The following ATF7IP2 variants were observed in gnomAD, a reference collection of about 807,000 sequenced individuals.
ATF7IP2 encodes activating transcription factor 7-interacting protein 2.
A neutral mutation model predicts 64.2 loss-of-function variants in ATF7IP2; 42 were observed. The observed-to-expected ratio is 0.65, with a 90% CI of 0.51 to 0.85. ATF7IP2 has a LOEUF of 0.85. Among genes scored for constraint, ATF7IP2 ranks in the 40% least tolerant of loss-of-function variants. ATF7IP2 has a pLI of 0.00. For synonymous variants in ATF7IP2, 308 were observed against 272.8 expected (o/e 1.13, Z -1.27); for missense variants, 933 against 784.2 (o/e 1.19, Z -2.27).
intron 1 of ATF7IP2, among the ~76,000 whole-genome samples, chr16:10,408,688 T>TG (rs1320572999): frequency 6.6e-6 from 1 of 152,100 alleles, no homozygotes; most frequent in Admixed American, 6.6e-5. Context: ...TGGGATTATT[T>TG]GTTTTTTTTC....
chr16:10,392,561 A>G (rs756684666), intron 1 of ATF7IP2, among the ~76,000 whole-genome samples: 1 of 152,154 alleles, frequency 6.6e-6, no homozygotes, highest in Non-Finnish European at 1.5e-5. Flanking sequence ...AAATAACACC[A>G]TTCACACAGA....
intron 9 of ATF7IP2, among the ~76,000 whole-genome samples, chr16:10,458,876 C>T (rs965290858): frequency 8.5e-5 from 13 of 152,184 alleles, no homozygotes; most frequent in Non-Finnish European, 1.3e-4. Flanking sequence ...AGGGAACCTT[C>T]GTTTAACAAT....
intron 1 of ATF7IP2, among the ~76,000 whole-genome samples, chr16:10,388,658 G>A (rs1401143587): frequency 6.6e-6 from 1 of 152,100 alleles, no homozygotes; most frequent in Non-Finnish European, 1.5e-5. Flanking sequence ...TTTTTTAAGT[G>A]AATATTCATT....
chr16:10,423,780 G>A (rs1286220695), intron 3 of ATF7IP2, among the ~76,000 whole-genome samples: 3 of 152,100 alleles, frequency 2.0e-5, no homozygotes, highest in African/African-American at 7.2e-5. Context: ...GTGTGAAAAG[G>A]TTCCAAGGTG....
chr16:10,459,372 G>A (rs1233384677), intron 9 of ATF7IP2, among the ~76,000 whole-genome samples: 2 of 152,006 alleles, frequency 1.3e-5, no homozygotes, highest in African/African-American at 4.8e-5. Context: ...GGAGGCTGAG[G>A]CAGGAGAATG....
chr16:10,445,922 G>C (rs968509627), intron 8 of ATF7IP2: 43 of 152,322 alleles, frequency 2.8e-4, no homozygotes, highest in African/African-American at 9.4e-4. Flanking sequence ...TACCCTGAAA[G>C]CATACTTGGA....
At chr16:10,437,699 T>G (rs939213502) in intron 6 of ATF7IP2, among the ~76,000 whole-genome samples, 2 of 152,186 alleles carry the variant, frequency 1.3e-5, no homozygotes, top group African/African-American at 2.4e-5. Flanking sequence ...CAACCAACCA[T>G]TTTCATCAGG....
chr16:10,399,099 A>C (rs1471378653), intron 1 of ATF7IP2, among the ~76,000 whole-genome samples: 1 of 142,450 alleles, frequency 7.0e-6, no homozygotes, highest in Non-Finnish European at 1.5e-5. Context: ...GGCAACAAGA[A>C]GGAAATTCAG....
chr16:10,445,796 C>T (rs756852586), intron 8 of ATF7IP2: 1 of 152,220 alleles, frequency 6.6e-6, no homozygotes, highest in Non-Finnish European at 1.5e-5. Context: ...CGTGAGCCAC[C>T]ACGCCTGGCC....
At chr16:10,463,933 A>G (rs1396688347) in intron 9 of ATF7IP2, among the ~76,000 whole-genome samples, 1 of 152,062 alleles carries the variant, frequency 6.6e-6, no homozygotes, top group African/African-American at 2.4e-5. Context: ...TGCTGGTCTT[A>G]TATTCCAGTT....
chr16:10,464,162 T>C (rs921460082), intron 9 of ATF7IP2, among the ~76,000 whole-genome samples: 7 of 152,232 alleles, frequency 4.6e-5, no homozygotes, highest in African/African-American at 1.7e-4. Flanking sequence ...AGATATTTTT[T>C]TCCCCAATTT....
At chr16:10,405,409 C>T (rs35097077) in intron 1 of ATF7IP2, among the ~76,000 whole-genome samples, 30,476 of 151,928 alleles carry the variant, frequency 0.2, 3,451 homozygotes, top group African/African-American at 0.31. Context: ...CGTGAAGACA[C>T]CTGGAAGGGG....
intron 1 of ATF7IP2, among the ~76,000 whole-genome samples, chr16:10,391,769 C>T (rs1219372657): frequency 2.6e-5 from 4 of 151,684 alleles, no homozygotes; most frequent in Admixed American, 6.6e-5. Flanking sequence ...TGGTGGTGCA[C>T]GCCTGTAGTC....
intron 9 of ATF7IP2, among the ~76,000 whole-genome samples, chr16:10,471,466 T>G (rs188909094): frequency 6.6e-6 from 1 of 152,070 alleles, no homozygotes; most frequent in African/African-American, 2.4e-5. Context: ...AGACAGAGGT[T>G]TCGGTGAGCC....
chr16:10,413,300 G>A (rs948645187), intron 1 of ATF7IP2, among the ~76,000 whole-genome samples: 6 of 152,234 alleles, frequency 3.9e-5, no homozygotes, highest in Admixed American at 6.5e-5. Context: ...TGCTATTCTC[G>A]TGATAGTGAA....
chr16:10,440,172 T>G (rs546025011), intron 7 of ATF7IP2, among the ~76,000 whole-genome samples, 192 bp from the exon 8 acceptor site: 3 of 151,940 alleles, frequency 2.0e-5, no homozygotes, highest in Admixed American at 2.0e-4. Context: ...AAAAAAAATT[T>G]TTTTTATTTA....
In ATF7IP2 at chr16:10,401,315, G is replaced by A. The variant is rs1422614211; in HGVS notation, c.-241-13259G>A. Among the ~76,000 whole-genome samples, 5 of 151,828 alleles carry A rather than the reference G, an allele frequency of 3.3e-5. No individual in the cohort carries two copies. The East Asian group carries it at 5.8e-4, about 18-fold the overall frequency. ...CCCGAGTACCTGGGATTACAGGTGC[G>A]TACCACCATGCCTGGCTCATTTTTT... On this transcript the variant is annotated intron_variant, in intron 1 of 13. Transcript: ENST00000562102.
chr16:10,478,123 T>C (rs1357884896), intron 12 of ATF7IP2, among the ~76,000 whole-genome samples: 4 of 150,852 alleles, frequency 2.7e-5, no homozygotes, highest in Non-Finnish European at 5.9e-5. Context: ...AAGCTACCAA[T>C]GACTTTCTTC....
At chr16:10,445,571 C>G (rs996908773) in intron 8 of ATF7IP2, 1 of 152,260 alleles carries the variant, frequency 6.6e-6, no homozygotes, top group Admixed American at 6.5e-5. Context: ...ATGGTGTGAT[C>G]TTGGCTCACA....
Sources: gnomAD v4.1 joint callset for allele counts (sites outside exome capture counted in the v4.1 genomes callset) on GRCh38, gnomAD v4.1.1 for gene constraint, MANE v1.5 for transcripts, NCBI Gene and HGNC (gene_info 2026-07-23, HGNC 2026-07-21) for gene names.